DACH1: variants seen among roughly 807,000 people sequenced by gnomAD.
DACH1 encodes the protein dachshund homolog 1.
In DACH1, 12 loss-of-function variants were observed where a neutral mutation model predicts 54.2. The observed-to-expected ratio is 0.22, with a 90% CI of 0.14 to 0.36. The LOEUF (loss-of-function observed/expected upper bound fraction) is 0.36. Among genes scored for constraint, DACH1 ranks in the 10% least tolerant of loss-of-function variants. The pLI is 1.00. For synonymous variants in DACH1, 386 were observed against 366.2 expected (o/e 1.05, Z -0.62); for missense variants, 805 against 929.8 (o/e 0.87, Z 1.75).
At chr13:71,655,319 AC>A (rs1156418188) in intron 2 of DACH1, among the ~76,000 whole-genome samples, 3 of 151,520 alleles carry the variant, frequency 2.0e-5, no homozygotes, top group African/African-American at 4.9e-5. Context: ...ACTTAGCAAA[AC>A]CTTCATGAAA....
intron 1 of DACH1, among the ~76,000 whole-genome samples, chr13:71,750,797 T>C (rs1372118826): frequency 6.6e-6 from 1 of 152,150 alleles, no homozygotes. Context: ...AACAGCAATA[T>C]GTAGTTCACA....
In DACH1 at chr13:71,651,680, C is replaced by CTGTATCTGTATATGTATA. The variant is rs1371380060; in HGVS notation, c.965-20964_965-20963insTATACATATACAGATACA. Among the ~76,000 whole-genome samples the CTGTATCTGTATATGTATA allele has an allele frequency of 1.6e-4, 19 of 121,844 alleles. 1 individual carries two copies. The highest frequency in any genetic ancestry group is 8.8e-4 in the East Asian group (2 of 2,274). The allele number at this position is 121,844 out of a possible 152,430, so 79.9% of individuals were successfully genotyped here. The stretch of plus-strand genomic sequence containing the variant: ...TATGTATCTGTATCTGTATCTGTAT[C>CTGTATCTGTATATGTATA]TGTATATGTATATGTATATGTATAT... On this transcript the variant is annotated intron_variant, in intron 2 of 10. Coordinates refer to ENST00000613252, the MANE Select transcript of DACH1 (RefSeq NM_080759.6).
chr13:71,588,067 C>T (rs1447744749), intron 3 of DACH1, among the ~76,000 whole-genome samples: 2 of 152,090 alleles, frequency 1.3e-5, no homozygotes, highest in African/African-American at 2.4e-5. Context: ...TGCAACACCA[C>T]ATTTATTCTG....
chr13:71,660,157 T>G (rs1879395394), intron 2 of DACH1, among the ~76,000 whole-genome samples: 1 of 152,080 alleles, frequency 6.6e-6, no homozygotes, highest in African/African-American at 2.4e-5. Flanking sequence ...AATTGTACAT[T>G]GAGTGAAATT....
At chr13:71,800,412 ACT>A (rs1484141981) in intron 1 of DACH1, among the ~76,000 whole-genome samples, 2 of 152,030 alleles carry the variant, frequency 1.3e-5, no homozygotes, top group Non-Finnish European at 2.9e-5. Context: ...TTAGATCAGC[ACT>A]CTCTACCGCT....
chr13:71,816,032 C>T (rs1566518664), intron 1 of DACH1, among the ~76,000 whole-genome samples: 1 of 151,916 alleles, frequency 6.6e-6, no homozygotes, highest in Non-Finnish European at 1.5e-5. Context: ...TTGCAGTGAG[C>T]CGAGATCGCG....
intron 10 of DACH1, among the ~76,000 whole-genome samples, chr13:71,471,167 AAG>A (rs1877035133): frequency 6.6e-6 from 1 of 152,126 alleles, no homozygotes. Context: ...ATTGGAGGGA[AAG>A]AGTCGTGACT....
chr13:71,717,504 T>TCTCA (rs58564064), intron 1 of DACH1, among the ~76,000 whole-genome samples: 1 of 142,816 alleles, frequency 7.0e-6, no homozygotes, highest in South Asian at 2.3e-4. Flanking sequence ...GTGTGTGTAA[T>TCTCA]CACACACACA....
At chr13:71,591,608 C>G (rs953605397) in intron 3 of DACH1, among the ~76,000 whole-genome samples, 1 of 152,102 alleles carries the variant, frequency 6.6e-6, no homozygotes, top group Non-Finnish European at 1.5e-5. Flanking sequence ...TGACAAACAA[C>G]TGTATACTCA....
intron 4 of DACH1, among the ~76,000 whole-genome samples, chr13:71,563,103 T>C (rs1414279581): frequency 1.3e-5 from 2 of 152,048 alleles, no homozygotes; most frequent in Non-Finnish European, 2.9e-5. Flanking sequence ...TAATTCCTAA[T>C]ACATCTAACT....
At chr13:71,472,644 A>C (rs558910842) in intron 10 of DACH1, among the ~76,000 whole-genome samples, 1 of 152,224 alleles carries the variant, frequency 6.6e-6, no homozygotes, top group Non-Finnish European at 1.5e-5. Flanking sequence ...AAAGAATGTC[A>C]TAACACCTGG....
intron 6 of DACH1, among the ~76,000 whole-genome samples, chr13:71,498,964 C>A (rs1879674618): frequency 6.6e-6 from 1 of 152,250 alleles, no homozygotes; most frequent in East Asian, 1.9e-4. Context: ...GCAAATCCAT[C>A]ATTATCTTAG....
At chr13:71,699,955 C>A (rs1458997063) in intron 1 of DACH1, among the ~76,000 whole-genome samples, 1 of 152,102 alleles carries the variant, frequency 6.6e-6, no homozygotes, top group Non-Finnish European at 1.5e-5. Context: ...AACTACATTT[C>A]TGAGTCTGAA....
chr13:71,769,721 C>T (rs1015130054), intron 1 of DACH1, among the ~76,000 whole-genome samples: 7 of 151,600 alleles, frequency 4.6e-5, no homozygotes, highest in Non-Finnish European at 1.0e-4. Flanking sequence ...TCACAGCATT[C>T]GTTATTCTAA....
rs184317935 is a variant in DACH1 at position 71,712,639 on chromosome 13, C to T, written c.849-30729G>A. Among the ~76,000 whole-genome samples the T allele has an allele frequency of 4.2e-4, 64 of 152,190 alleles. 1 individual carries two copies. In the East Asian group the frequency reaches 8.7e-3, roughly 21 times the overall value. On this transcript the variant is annotated intron_variant, in intron 1 of 10. Coordinates refer to ENST00000613252, the MANE Select transcript of DACH1 (RefSeq NM_080759.6). ...TAGAGGTTGTTCCATGTACGACATG[C>T]TGGCCTATTACATATCACAACTTCT... is the stretch of plus-strand genomic sequence containing the variant.
intron 3 of DACH1, among the ~76,000 whole-genome samples, chr13:71,607,801 T>C (rs760835525): frequency 5.9e-4 from 90 of 152,162 alleles, no homozygotes; most frequent in Admixed American, 7.9e-4. Flanking sequence ...AATTGAAAGA[T>C]ACCAACAAAA....
chr13:71,712,631 A>G (rs1333636892), intron 1 of DACH1, among the ~76,000 whole-genome samples: 1 of 152,170 alleles, frequency 6.6e-6, no homozygotes, highest in African/African-American at 2.4e-5. Flanking sequence ...TGTTCCATGT[A>G]CGACATGCTG....
At chr13:71,865,849 G>C in intron 1 of DACH1, 73 bp downstream of exon 1, 2 of 1,388,280 alleles carry the variant, frequency 1.4e-6, no homozygotes, top group Admixed American at 3.3e-5. Context: ...GCGGCGCCGG[G>C]AAAGGAGCGA....
intron 1 of DACH1, among the ~76,000 whole-genome samples, chr13:71,762,478 G>A (rs1266054059): frequency 6.6e-6 from 1 of 152,022 alleles, no homozygotes; most frequent in African/African-American, 2.4e-5. Flanking sequence ...GTACATCTAG[G>A]TCCGGCGTGG....
Sources: allele counts gnomAD v4.1 joint callset (sites outside exome capture counted in the v4.1 genomes callset), GRCh38; gene constraint gnomAD v4.1.1; transcripts MANE v1.5; gene names NCBI Gene and HGNC (gene_info 2026-07-23, HGNC 2026-07-21).